The following DHX37 variants were observed in gnomAD, a reference collection of about 807,000 sequenced individuals.
DHX37 encodes probable ATP-dependent RNA helicase DHX37.
DHX37 carries 52 observed loss-of-function variants against 134.3 expected under a neutral mutation model. That is an observed-to-expected ratio of 0.39 (90% CI 0.31 to 0.49). The LOEUF (loss-of-function observed/expected upper bound fraction) is 0.49, where lower values mean the gene tolerates loss of function less well. Ranked by LOEUF, DHX37 falls within the 20% of genes least tolerant of loss-of-function variation. The probability of loss-of-function intolerance (pLI) is 0.93; values close to 1 mark genes in which losing one functional copy is unlikely to be tolerated. For synonymous variants in DHX37, 634 were observed against 670.7 expected, an observed-to-expected ratio of 0.95 and a Z score of 0.85; for missense variants, 1,344 against 1,580.8, an observed-to-expected ratio of 0.85 and a Z score of 2.54.
Position 124,947,579 on chromosome 12 carries a change from A to G in DHX37, c.*223T>C, listed in dbSNP as rs1340840864. ...ACGTGAGATGAAATCATCATCCACC[A>G]TATAATAAACAGTTCAAAAAGTCAC... is the stretch of plus-strand genomic sequence containing the variant. On this transcript the variant is annotated 3_prime_UTR_variant, in exon 27 of 27. Coordinates refer to ENST00000308736, the MANE Select transcript of DHX37 (RefSeq NM_032656.4). The G allele has an allele frequency of 3.7e-6, 2 of 534,038 alleles. No individual in the cohort carries two copies. The highest frequency in any genetic ancestry group is 6.6e-6 in the Non-Finnish European group (2 of 304,890). 33.1% of individuals were successfully genotyped at this position (534,038 alleles called of 1,614,324 possible).
chr12:124,970,039 C>T (rs1333797569), intron 8 of DHX37, among the ~76,000 whole-genome samples: 2 of 152,216 alleles, frequency 1.3e-5, no homozygotes, highest in Admixed American at 6.5e-5. Flanking sequence ...GTGGCGCGAT[C>T]GCGGCTCACT....
chr12:124,960,448 C>A (rs752536462), intron 15 of DHX37, 25 bp from the exon 16 acceptor site: 1 of 1,603,488 alleles, frequency 6.2e-7, no homozygotes, highest in Non-Finnish European at 8.5e-7. Flanking sequence ...ACCGGGACAA[C>A]AAACACAAAA....
intron 1 of DHX37, among the ~76,000 whole-genome samples, chr12:124,988,254 G>T (rs1296033386): frequency 6.6e-6 from 1 of 151,824 alleles, no homozygotes; most frequent in Non-Finnish European, 1.5e-5. Context: ...CTGGCCCCCT[G>T]TTTTTTCTCT....
intron 16 of DHX37, among the ~76,000 whole-genome samples, chr12:124,959,379 G>C (rs575473305): frequency 4.7e-4 from 64 of 135,616 alleles, no homozygotes; most frequent in Middle Eastern, 7.2e-3. Context: ...AGCCTCCCTG[G>C]CTAATTTTTT....
At chr12:124,963,713 CAAAAAAA>C (rs140757458) in intron 15 of DHX37, among the ~76,000 whole-genome samples, 1 of 115,436 alleles carries the variant, frequency 8.7e-6, no homozygotes. Flanking sequence ...ACTAAAAATA[CAAAAAAA>C]AAAAAAAAAA....
intron 15 of DHX37, among the ~76,000 whole-genome samples, 159 bp downstream of exon 15, chr12:124,964,235 A>C (rs1461561980): frequency 1.3e-5 from 2 of 151,070 alleles, no homozygotes. Flanking sequence ...AGTATCTGAA[A>C]GCCAGCAAAA....
chr12:124,973,732 C>T (rs1488202749), intron 6 of DHX37, among the ~76,000 whole-genome samples: 1 of 150,622 alleles, frequency 6.6e-6, no homozygotes, highest in Non-Finnish European at 1.5e-5. Flanking sequence ...ACCTCCGCCT[C>T]TCGGGTTCAA....
In DHX37 at chr12:124,947,644, G is replaced by A. The variant is rs1271803238; in HGVS notation, c.*158C>T. The A allele has an allele frequency of 1.8e-5, 17 of 966,792 alleles. No homozygotes were observed. Among genetic ancestry groups the A allele is most frequent in the East Asian group, 2.7e-5 (1 of 37,548 alleles). 59.9% of individuals were successfully genotyped at this position (966,792 alleles called of 1,614,324 possible). On this transcript the variant is annotated 3_prime_UTR_variant, in exon 27 of 27. Transcript: ENST00000308736. ...GCACGGGCGGCAGCACCCTTCATAC[G>A]GGATCGAGCTCTCATGGATGAGGGT... is the stretch of plus-strand genomic sequence containing the variant.
intron 8 of DHX37, among the ~76,000 whole-genome samples, chr12:124,970,503 C>A (rs909638313): frequency 1.3e-5 from 2 of 152,190 alleles, no homozygotes; most frequent in African/African-American, 4.8e-5. Flanking sequence ...CCTCGCTCTG[C>A]AATGCACGCC....
intron 16 of DHX37, among the ~76,000 whole-genome samples, chr12:124,959,979 C>A (rs1954196551): frequency 6.6e-6 from 1 of 152,250 alleles, no homozygotes; most frequent in Non-Finnish European, 1.5e-5. Context: ...GGATCCCCCC[C>A]TCCACTGGAG....
chr12:124,966,990 G>A (rs1954402972), intron 11 of DHX37, 112 bp from the exon 12 acceptor site: 12 of 1,530,306 alleles, frequency 7.8e-6, no homozygotes, highest in South Asian at 2.2e-5. Context: ...TTATTCGGGG[G>A]TGAGGTGGGG....
At chr12:124,975,282 C>CT (rs1954612271) in intron 6 of DHX37, 137 bp downstream of exon 6, 2 of 853,410 alleles carry the variant, frequency 2.3e-6, no homozygotes, top group Non-Finnish European at 3.7e-6. Flanking sequence ...CACAATGATT[C>CT]CCAGTGCTAC....
intron 10 of DHX37, 36 bp downstream of exon 10, chr12:124,968,498 G>A: frequency 6.2e-7 from 1 of 1,606,754 alleles, no homozygotes; most frequent in Non-Finnish European, 8.5e-7. Flanking sequence ...GTTTAGGAAG[G>A]GAGGCTTCTT....
intron 5 of DHX37, among the ~76,000 whole-genome samples, chr12:124,977,009 G>A (rs946286607): frequency 1.4e-5 from 2 of 143,946 alleles, no homozygotes; most frequent in African/African-American, 5.2e-5. Context: ...TCACACCACT[G>A]TACTCCAGCC....
In DHX37 at chr12:124,954,179, A is replaced by G. The variant is rs1279663498; in HGVS notation, c.2486T>C (p.Leu829Pro). ...PAASDEELTR[L>P]KSKRARVAQM... ...GGCCACCCGGGCCCGCTTGCTCTTC[A>G]GCCTGGTGAGCTCCTCGTCACTGGC... Residue 829 changes from leucine (L) to proline (P), a missense_variant, in exon 19 of 27, where the codon CTG becomes CCG. This residue lies in a region of DHX37 where 558 missense variants were observed against 650.0 expected (regional missense o/e 0.86). Coordinates refer to ENST00000308736, the MANE Select transcript of DHX37 (RefSeq NM_032656.4). The G allele has an allele frequency of 1.2e-6, 2 of 1,610,066 alleles. No homozygotes were observed. The highest frequency in any genetic ancestry group is 1.7e-6 in the Non-Finnish European group (2 of 1,178,364).
intron 26 of DHX37, 39 bp from the exon 27 acceptor site, chr12:124,947,926 T>G (rs1953904968): frequency 6.2e-7 from 1 of 1,610,860 alleles, no homozygotes; most frequent in Non-Finnish European, 8.5e-7. Flanking sequence ...AGGGTGACCC[T>G]GGGCCCAGGG....
At chr12:124,951,124 A>G (rs975902170) in intron 21 of DHX37, among the ~76,000 whole-genome samples, 2 of 152,152 alleles carry the variant, frequency 1.3e-5, no homozygotes, top group Non-Finnish European at 2.9e-5. Flanking sequence ...TACTAAAAAT[A>G]CAAAAAATTA....
Position 124,960,345 on chromosome 12 carries a change from T to C in DHX37, c.2124A>G (p.Leu708=), listed in dbSNP as rs755816731. The change falls in exon 16 of 27, where the codon TTA becomes TTG. Residue 708 remains leucine, a synonymous_variant. Transcript: ENST00000308736. The part of the protein sequence containing the change: ...PEITRRPVED[L]ILQMKALNVE... ...CGTTGAGCGCCTTCATTTGAAGGAT[T>C]AAGTCTTCAACAGGCCTCCGGGTGA... is the stretch of plus-strand genomic sequence containing the variant. 1 of 1,614,076 alleles carries C rather than the reference T, an allele frequency of 6.2e-7. No homozygotes were observed. The highest frequency in any genetic ancestry group is 8.5e-7 in the Non-Finnish European group (1 of 1,179,954).
intron 15 of DHX37, among the ~76,000 whole-genome samples, chr12:124,960,736 T>A (rs1356971779): frequency 6.6e-6 from 1 of 152,182 alleles, no homozygotes; most frequent in Non-Finnish European, 1.5e-5. Flanking sequence ...GGTGGATCAC[T>A]TGAGGTCAGG....
Sources: allele counts gnomAD v4.1 joint callset (sites outside exome capture counted in the v4.1 genomes callset), GRCh38; gene constraint gnomAD v4.1.1; regional missense constraint gnomAD v4.1.1; transcripts MANE v1.5; gene names NCBI Gene and HGNC (gene_info 2026-07-23, HGNC 2026-07-21).